The following AGBL4 variants were observed in gnomAD, a reference collection of about 807,000 sequenced individuals.
The protein encoded by AGBL4 is cytosolic carboxypeptidase 6.
A neutral mutation model predicts 66.4 loss-of-function variants in AGBL4; 58 were observed. The observed-to-expected ratio is 0.87, with a 90% CI of 0.71 to 1.09. The LOEUF (loss-of-function observed/expected upper bound fraction) is 1.09, where lower values mean the gene tolerates loss of function less well. Ranked by LOEUF, AGBL4 falls within the 50% of genes least tolerant of loss-of-function variation. The pLI is 0.00. For missense variants in AGBL4, 579 were observed against 631.0 expected, an observed-to-expected ratio of 0.92 and a Z score of 0.88; for synonymous variants, 234 against 222.9, an observed-to-expected ratio of 1.05 and a Z score of -0.44.
rs1171893308 is a variant in AGBL4 at position 49,710,691 on chromosome 1, A to T, written c.158-13254T>A. On this transcript the variant is annotated intron_variant, in intron 2 of 13. Coordinates refer to ENST00000371839, the MANE Select transcript of AGBL4 (RefSeq NM_032785.4). Reference sequence around the variant, plus strand: ...GGCAAAGATTTCTTAGAAAGAACATAAAAAGCATAAACTATATTTTAAAAA... The same window carrying T: ...GGCAAAGATTTCTTAGAAAGAACATTAAAAGCATAAACTATATTTTAAAAA... 2.0e-5 allele frequency among the ~76,000 whole-genome samples: 3 copies of T among 151,750 alleles called. No individual in the cohort carries two copies. The East Asian group carries it at 5.8e-4, about 29-fold the overall frequency.
At chr1:49,209,820 C>T (rs879777216) in intron 4 of AGBL4, among the ~76,000 whole-genome samples, 5 of 152,016 alleles carry the variant, frequency 3.3e-5, no homozygotes, top group Admixed American at 3.3e-4. Flanking sequence ...CATACTAACA[C>T]TAGATGGAAA....
At chr1:49,431,340 G>T (rs192012041) in intron 3 of AGBL4, among the ~76,000 whole-genome samples, 11 of 152,246 alleles carry the variant, frequency 7.2e-5, no homozygotes, top group Admixed American at 4.6e-4. Context: ...AGATCATCTT[G>T]TTCCACAGCA....
chr1:50,015,501 T>TA (rs1298628120), intron 1 of AGBL4, among the ~76,000 whole-genome samples: 1 of 152,050 alleles, frequency 6.6e-6, no homozygotes, highest in Non-Finnish European at 1.5e-5. Flanking sequence ...TACAAAATAT[T>TA]AAAAAATTAG....
At chr1:49,547,619 T>C (rs1652598704) in intron 3 of AGBL4, among the ~76,000 whole-genome samples, 1 of 152,222 alleles carries the variant, frequency 6.6e-6, no homozygotes, top group South Asian at 2.1e-4. Flanking sequence ...ACAATATTGA[T>C]TCTACCCATC....
intron 4 of AGBL4, among the ~76,000 whole-genome samples, chr1:49,232,523 C>G (rs1038805394): frequency 6.6e-6 from 1 of 151,832 alleles, no homozygotes; most frequent in African/African-American, 2.4e-5. Flanking sequence ...ACGTTGAAAC[C>G]CTGTCTCTAC....
At chr1:49,563,240 C>A (rs555758306) in intron 3 of AGBL4, among the ~76,000 whole-genome samples, 89 of 151,940 alleles carry the variant, frequency 5.9e-4, no homozygotes, top group South Asian at 5.4e-3. Context: ...GATATACAAT[C>A]ATGTCATCTG....
intron 3 of AGBL4, among the ~76,000 whole-genome samples, chr1:49,680,351 ATTCT>A (rs1457648357): frequency 2.9e-5 from 4 of 139,234 alleles, no homozygotes; most frequent in African/African-American, 1.1e-4. Flanking sequence ...GCCCAGCCAG[ATTCT>A]TTCTTTTATC....
intron 11 of AGBL4, among the ~76,000 whole-genome samples, chr1:48,542,051 CT>C (rs1362693221): frequency 1.3e-5 from 2 of 152,124 alleles, no homozygotes; most frequent in Non-Finnish European, 2.9e-5. Flanking sequence ...TCCATGTGTT[CT>C]CATAGTTAAA....
At chr1:49,441,445 C>T (rs759259008) in intron 3 of AGBL4, among the ~76,000 whole-genome samples, 32 of 152,134 alleles carry the variant, frequency 2.1e-4, no homozygotes, top group African/African-American at 7.0e-4. Context: ...CCACTGTGAC[C>T]GACCTGGAAA....
chr1:49,796,414 G>GT (rs1417818639), intron 2 of AGBL4, among the ~76,000 whole-genome samples: 4 of 151,520 alleles, frequency 2.6e-5, no homozygotes, highest in African/African-American at 9.7e-5. Flanking sequence ...ATTAAAAATA[G>GT]TAACACTAGT....
intron 1 of AGBL4, among the ~76,000 whole-genome samples, chr1:49,917,490 C>A (rs900336657): frequency 1.1e-4 from 17 of 151,930 alleles, no homozygotes; most frequent in African/African-American, 4.1e-4. Flanking sequence ...ACAAAGAAGG[C>A]CATTACATAA....
chr1:48,578,187 G>C (rs1485701725), intron 11 of AGBL4, among the ~76,000 whole-genome samples: 1 of 152,144 alleles, frequency 6.6e-6, no homozygotes, highest in African/African-American at 2.4e-5. Context: ...GCAGGGAACA[G>C]ACCTCCTCAA....
At chr1:49,704,482 C>G (rs950837839) in intron 2 of AGBL4, among the ~76,000 whole-genome samples, 3 of 151,700 alleles carry the variant, frequency 2.0e-5, no homozygotes, top group African/African-American at 7.3e-5. Flanking sequence ...AATATAAAAC[C>G]CAAAATTATA....
intron 2 of AGBL4, among the ~76,000 whole-genome samples, chr1:49,829,924 A>G (rs1380184711): frequency 1.3e-5 from 2 of 152,272 alleles, no homozygotes; most frequent in African/African-American, 4.8e-5. Flanking sequence ...AGCTTCATCC[A>G]TGTCCCTGCA....
chr1:49,271,516 GCACACACACACA>G lies in AGBL4; in HGVS notation c.283-25664_283-25653del, dbSNP rs57311875. Among the ~76,000 whole-genome samples the G allele has an allele frequency of 4.4e-3, 641 of 144,296 alleles. 4 individuals are homozygous for G. Among genetic ancestry groups the G allele is most frequent in the African/African-American group, 0.014 (566 of 39,722 alleles). The allele number at this position is 144,296 out of a possible 152,430, so 94.7% of individuals were successfully genotyped here. On this transcript the variant is annotated intron_variant, in intron 3 of 13. Coordinates refer to ENST00000371839, the MANE Select transcript of AGBL4 (RefSeq NM_032785.4). ...TCAAAGTCAACTCAATTAAAAGATAGCACACACACACACACACACACACACACACACACACAC... is the reference window on the plus strand; with the variant it reads ...TCAAAGTCAACTCAATTAAAAGATAGCACACACACACACACACACACACAC...
At chr1:49,957,617 C>G (rs1481142457) in intron 1 of AGBL4, among the ~76,000 whole-genome samples, 1 of 151,932 alleles carries the variant, frequency 6.6e-6, no homozygotes, top group Non-Finnish European at 1.5e-5. Context: ...TATGTAATGG[C>G]CTTCTTTGTC....
At chr1:49,867,227 T>A (rs2148102483) in intron 1 of AGBL4, among the ~76,000 whole-genome samples, 1 of 152,060 alleles carries the variant, frequency 6.6e-6, no homozygotes, top group Admixed American at 6.5e-5. Context: ...CTGTGGCTCG[T>A]CCTCTTTCCT....
intron 6 of AGBL4, among the ~76,000 whole-genome samples, chr1:48,836,599 CA>C (rs1053691243): frequency 2.0e-5 from 3 of 151,710 alleles, no homozygotes; most frequent in African/African-American, 7.3e-5. Flanking sequence ...CCCTAGGGAT[CA>C]AAAAAACCCC....
intron 5 of AGBL4, among the ~76,000 whole-genome samples, chr1:48,955,017 C>A (rs1437777755): frequency 1.3e-5 from 2 of 152,022 alleles, no homozygotes; most frequent in East Asian, 3.8e-4. Flanking sequence ...TGCACAGGGG[C>A]GTAAAGCTAT....
Sources: allele counts gnomAD v4.1 joint callset (sites outside exome capture counted in the v4.1 genomes callset), GRCh38; gene constraint gnomAD v4.1.1; transcripts MANE v1.5; gene names NCBI Gene and HGNC (gene_info 2026-07-23, HGNC 2026-07-21).